ARNT2: variants seen among roughly 807,000 people sequenced by gnomAD.
ARNT2 encodes the protein ARNT protein 2.
ARNT2 carries 36 observed loss-of-function variants against 91.7 expected under a neutral mutation model. That is an observed-to-expected ratio of 0.39 (90% confidence interval 0.30 to 0.52). The LOEUF (loss-of-function observed/expected upper bound fraction) is 0.52, where lower values mean the gene tolerates loss of function less well. ARNT2 is among the 20% of genes least tolerant of loss of function. The pLI is 0.72. For synonymous variants in ARNT2, 365 were observed against 347.1 expected (o/e 1.05, Z -0.57); for missense variants, 775 against 939.3 (o/e 0.83, Z 2.29).
intron 1 of ARNT2, among the ~76,000 whole-genome samples, chr15:80,425,307 T>TTTTTTG (rs1173500452): frequency 6.6e-6 from 1 of 152,326 alleles, no homozygotes; most frequent in South Asian, 2.1e-4. Context: ...ATGGTGGTCA[T>TTTTTTG]TTTTTGTTTT....
chr15:80,558,449 C>G (rs1362995001), intron 11 of ARNT2, among the ~76,000 whole-genome samples: 2 of 150,794 alleles, frequency 1.3e-5, no homozygotes, highest in African/African-American at 4.9e-5. Context: ...AAGTGATTCT[C>G]ATGCCTCAGC....
At chr15:80,435,311 A>G (rs1327998203) in intron 1 of ARNT2, among the ~76,000 whole-genome samples, 8 of 151,800 alleles carry the variant, frequency 5.3e-5, no homozygotes, top group African/African-American at 1.9e-4. Flanking sequence ...CTTCCCTTTA[A>G]GTTTTGGTTC....
At chr15:80,491,360 C>T (rs1897053736) in intron 5 of ARNT2, among the ~76,000 whole-genome samples, 1 of 152,090 alleles carries the variant, frequency 6.6e-6, no homozygotes, top group African/African-American at 2.4e-5. Context: ...TGTGGGGAAC[C>T]CCTTTTTATT....
At chr15:80,471,157 G>A (rs1026647253) in intron 4 of ARNT2, among the ~76,000 whole-genome samples, 1 of 152,334 alleles carries the variant, frequency 6.6e-6, no homozygotes, top group South Asian at 2.1e-4. Context: ...ATTGGATAAA[G>A]ATAATGTGGT....
chr15:80,408,379 T>C (rs747730633), intron 1 of ARNT2, among the ~76,000 whole-genome samples: 31 of 152,304 alleles, frequency 2.0e-4, no homozygotes, highest in Non-Finnish European at 4.3e-4. Flanking sequence ...CATATCATCA[T>C]GGGGAGCCAG....
At chr15:80,405,955 A>G (rs1215072917) in intron 1 of ARNT2, among the ~76,000 whole-genome samples, 2 of 152,298 alleles carry the variant, frequency 1.3e-5, no homozygotes, top group African/African-American at 4.8e-5. Context: ...AAATCGCATG[A>G]TCACTTTTTC....
At chr15:80,504,900 C>A (rs1191433911) in intron 5 of ARNT2, among the ~76,000 whole-genome samples, 1 of 151,982 alleles carries the variant, frequency 6.6e-6, no homozygotes, top group Non-Finnish European at 1.5e-5. Context: ...GCAGCAGGGG[C>A]CTGCGTGGAG....
At chr15:80,498,050 C>T (rs149852607) in intron 5 of ARNT2, among the ~76,000 whole-genome samples, 406 of 152,252 alleles carry the variant, frequency 2.7e-3, no homozygotes, top group Non-Finnish European at 4.9e-3. Flanking sequence ...TGAGGTACAG[C>T]CAGCTGCACC....
chr15:80,591,014 C>T lies in ARNT2; in HGVS notation c.1919-554C>T, dbSNP rs146114818. Among the ~76,000 whole-genome samples the T allele has an allele frequency of 3.2e-3, 492 of 152,314 alleles. 1 individual carries two copies. Among genetic ancestry groups the T allele is most frequent in the African/African-American group, 0.011 (446 of 41,554 alleles). ...GGGACCTTGTATAATGCGTGTGTGG[C>T]TTCCGAGGAGTTGCTCGGGGGCAGA... On this transcript the variant is annotated intron_variant, in intron 17 of 18. Coordinates refer to ENST00000303329, the MANE Select transcript of ARNT2 (RefSeq NM_014862.4). The surrounding 1 kb of genome is among the most constrained non-coding windows in gnomAD (Gnocchi z 5.1).
chr15:80,500,213 A>G (rs977147978), intron 5 of ARNT2, among the ~76,000 whole-genome samples: 1 of 152,198 alleles, frequency 6.6e-6, no homozygotes, highest in African/African-American at 2.4e-5. Context: ...TGCTGTAATA[A>G]CTGGGGTCAA....
At chr15:80,469,695 ATCT>A (rs1479602444) in intron 3 of ARNT2, among the ~76,000 whole-genome samples, 1 of 152,120 alleles carries the variant, frequency 6.6e-6, no homozygotes, top group Non-Finnish European at 1.5e-5. Flanking sequence ...GCTTACTGCA[ATCT>A]CCATCTCCCA....
chr15:80,501,277 C>A (rs1448844736), intron 5 of ARNT2, among the ~76,000 whole-genome samples: 2 of 151,944 alleles, frequency 1.3e-5, no homozygotes, highest in Admixed American at 6.6e-5. Flanking sequence ...ATTAAAAGAG[C>A]CTTTAAAATG....
At chr15:80,477,144 T>C (rs757451376) in intron 5 of ARNT2, among the ~76,000 whole-genome samples, 2 of 152,256 alleles carry the variant, frequency 1.3e-5, no homozygotes, top group Non-Finnish European at 2.9e-5. Flanking sequence ...CAAGCAGATA[T>C]CAGCATCATG....
chr15:80,505,969 G>A (rs553423878), intron 5 of ARNT2, among the ~76,000 whole-genome samples: 4 of 118,016 alleles, frequency 3.4e-5, no homozygotes, highest in South Asian at 2.6e-4. Flanking sequence ...TTGCTCTGTC[G>A]CCCAGGCCGT....
At chr15:80,544,325 G>GA (rs1240921052) in intron 8 of ARNT2, among the ~76,000 whole-genome samples, 1 of 152,114 alleles carries the variant, frequency 6.6e-6, no homozygotes, top group Non-Finnish European at 1.5e-5. Context: ...TTGCTGGCTT[G>GA]AAAACTCTCT....
chr15:80,572,646 C>T (rs567101131), intron 12 of ARNT2, among the ~76,000 whole-genome samples: 3 of 152,274 alleles, frequency 2.0e-5, no homozygotes, highest in East Asian at 1.9e-4. Flanking sequence ...GGACCACGAA[C>T]GTGTCAGAGG....
chr15:80,577,022 C>G, intron 15 of ARNT2, 57 bp downstream of exon 15: 1 of 1,552,718 alleles, frequency 6.4e-7, no homozygotes, highest in Non-Finnish European at 8.9e-7. Flanking sequence ...CCAAGAAAGC[C>G]CTGGGTCTCA....
chr15:80,472,308 A>C (rs528866155), intron 4 of ARNT2, among the ~76,000 whole-genome samples: 2 of 152,144 alleles, frequency 1.3e-5, no homozygotes, highest in Non-Finnish European at 2.9e-5. Flanking sequence ...TTGGCATAGA[A>C]AGGAGCCACA....
At chr15:80,516,828 A>AATATATATACATATATATAT (rs1897441434) in intron 8 of ARNT2, among the ~76,000 whole-genome samples, 1 of 74,800 alleles carries the variant, frequency 1.3e-5, no homozygotes, top group Non-Finnish European at 2.7e-5. Context: ...TACAATTACA[A>AATATATATACATATATATAT]ATATATATAT....
Sources: allele counts gnomAD v4.1 joint callset (sites outside exome capture counted in the v4.1 genomes callset), GRCh38; gene constraint gnomAD v4.1.1; non-coding constraint Gnocchi (gnomAD v3.1); transcripts MANE v1.5; gene names NCBI Gene and HGNC (gene_info 2026-07-23, HGNC 2026-07-21).